ERICH6: variants seen among roughly 807,000 people sequenced by gnomAD.
ERICH6 encodes the protein glutamate-rich protein 6.
A neutral mutation model predicts 71.0 loss-of-function variants in ERICH6; 71 were observed. The observed-to-expected ratio is 1.00, with a 90% CI of 0.83 to 1.22. The LOEUF is 1.22. Ranked by LOEUF, ERICH6 falls within the 50% of genes most tolerant of loss-of-function variation. The probability of loss-of-function intolerance (pLI) is 0.00; values close to 1 mark genes in which losing one functional copy is unlikely to be tolerated. For synonymous variants in ERICH6, 262 were observed against 278.4 expected, an observed-to-expected ratio of 0.94 and a Z score of 0.59; for missense variants, 808 against 797.2, an observed-to-expected ratio of 1.01 and a Z score of -0.16.
chr3:150,702,582 C>T (rs1386508740), intron 1 of ERICH6, among the ~76,000 whole-genome samples: 1 of 152,130 alleles, frequency 6.6e-6, no homozygotes, highest in Non-Finnish European at 1.5e-5. Flanking sequence ...GGCCTGGAGA[C>T]ATTTTTGATC....
At chr3:150,684,649 G>A (rs1712103226) in intron 6 of ERICH6, among the ~76,000 whole-genome samples, 1 of 152,226 alleles carries the variant, frequency 6.6e-6, no homozygotes, top group Admixed American at 6.5e-5. Flanking sequence ...TCTAGCGGCA[G>A]TGTGGTGGTG....
In ERICH6 at chr3:150,660,102, A is replaced by C; in HGVS notation, c.1782T>G (p.Leu594=). ...PILRYVSGDD[L]LLLASLIKIR... Reference sequence around the variant, plus strand: ...TCTTTATTAAACTGGCCAGCAGAAGAAGGTCATCTCCACTTACGTATCGGA... The same window carrying C: ...TCTTTATTAAACTGGCCAGCAGAAGCAGGTCATCTCCACTTACGTATCGGA... The change falls in exon 14 of 14, where the codon CTT becomes CTG. Residue 594 remains leucine, a synonymous_variant. Coordinates refer to ENST00000295910, the MANE Select transcript of ERICH6 (RefSeq NM_152394.5). 1 of 1,614,050 alleles carries C rather than the reference A, an allele frequency of 6.2e-7. No individual in the cohort carries two copies. Among genetic ancestry groups the C allele is most frequent in the Non-Finnish European group, 8.5e-7 (1 of 1,180,012 alleles).
intron 6 of ERICH6, 130 bp downstream of exon 6, chr3:150,685,612 T>C: frequency 1.3e-6 from 1 of 769,890 alleles, no homozygotes; most frequent in African/African-American, 1.8e-5. Context: ...AGTGCTATTC[T>C]AAGTAATTGA....
At chr3:150,687,811 C>T (rs1373852951) in intron 3 of ERICH6, among the ~76,000 whole-genome samples, 2 of 152,182 alleles carry the variant, frequency 1.3e-5, no homozygotes, top group African/African-American at 4.8e-5. Context: ...CTGTTGGAGA[C>T]AGATAGGCTT....
At chr3:150,674,993 C>G (rs143754836) in intron 10 of ERICH6, among the ~76,000 whole-genome samples, 8 of 152,138 alleles carry the variant, frequency 5.3e-5, no homozygotes, top group African/African-American at 9.6e-5. Context: ...ATTAGTTGGG[C>G]GTGGTGGCAC....
Position 150,666,820 on chromosome 3 carries a change from T to C in ERICH6, c.1695A>G (p.Gln565=), listed in dbSNP as rs1727432573. 6.2e-7 allele frequency: 1 copy of C among 1,614,080 alleles called. No homozygotes were observed. Among genetic ancestry groups the C allele is most frequent in the East Asian group, 2.2e-5 (1 of 44,884 alleles). The change falls in exon 13 of 14, where the codon CAA becomes CAG. Residue 565 remains glutamine (Q), a synonymous_variant. Coordinates refer to ENST00000295910, the MANE Select transcript of ERICH6 (RefSeq NM_152394.5). ...TGGTTCCAACACTGATTCTTGCCTG[T>C]TGGCCCATTGCTAGAAAAGTTATAG... is the stretch of plus-strand genomic sequence containing the variant. ...KISITFLAMG[Q]QARISVGTKV...
rs185820577 is a variant in ERICH6, at chr3:150,685,896, A to G, written c.667-38T>C. The G allele has an allele frequency of 3.7e-4, 598 of 1,608,050 alleles. 2 individuals carry two copies. Among genetic ancestry groups the G allele is most frequent in the Non-Finnish European group, 4.1e-5 (48 of 1,174,962 alleles). ...AGAGAAAGGGGTGGTGAGGGGAAAT[A>G]ATTGAAGATTTGATAAGCCATTTTT... On this transcript the variant is annotated intron_variant, in intron 5 of 13. Transcript: ENST00000295910.
chr3:150,663,504 G>T (rs1446370273), intron 13 of ERICH6, among the ~76,000 whole-genome samples: 1 of 151,984 alleles, frequency 6.6e-6, no homozygotes, highest in Non-Finnish European at 1.5e-5. Flanking sequence ...GCCCAGGCTG[G>T]AGTGCAGCAG....
chr3:150,661,948 T>C (rs1222707574), intron 13 of ERICH6, among the ~76,000 whole-genome samples: 1 of 152,114 alleles, frequency 6.6e-6, no homozygotes, highest in Non-Finnish European at 1.5e-5. Flanking sequence ...TCCAACTATA[T>C]GTGGTTTGCC....
chr3:150,702,243 C>CG, intron 1 of ERICH6, 65 bp from the exon 2 acceptor site: 2 of 949,368 alleles, frequency 2.1e-6, no homozygotes, highest in South Asian at 3.2e-5. Context: ...TCTACCCCCC[C>CG]CAGGAACACA....
chr3:150,699,723 C>CAA (rs146953448), intron 2 of ERICH6, among the ~76,000 whole-genome samples: 5,577 of 136,678 alleles, frequency 0.041, 402 homozygotes, highest in East Asian at 0.36. Flanking sequence ...GAGATAAAAA[C>CAA]AAAAAAAAAA....
intron 11 of ERICH6, among the ~76,000 whole-genome samples, chr3:150,670,852 G>A (rs1056678147): frequency 6.6e-6 from 1 of 152,118 alleles, no homozygotes; most frequent in Non-Finnish European, 1.5e-5. Flanking sequence ...TAGAAGTCCA[G>A]AAATAAACAC....
At chr3:150,675,123 A>C (rs1466099638) in intron 10 of ERICH6, among the ~76,000 whole-genome samples, 1 of 152,152 alleles carries the variant, frequency 6.6e-6, no homozygotes, top group Non-Finnish European at 1.5e-5. Flanking sequence ...ACAGAGCAAG[A>C]CTGTCTCAAA....
chr3:150,682,448 G>A (rs1005260448), intron 6 of ERICH6, 132 bp from the exon 7 acceptor site: 34 of 640,450 alleles, frequency 5.3e-5, no homozygotes, highest in Admixed American at 8.5e-5. Context: ...GCCAGTAAGT[G>A]ATATCACTTC....
intron 10 of ERICH6, among the ~76,000 whole-genome samples, chr3:150,674,839 T>G (rs755034802): frequency 2.0e-5 from 3 of 151,914 alleles, no homozygotes; most frequent in Non-Finnish European, 4.4e-5. Flanking sequence ...AGTCAATTAT[T>G]GAAAGAGGTA....
intron 13 of ERICH6, 128 bp from the exon 14 acceptor site, chr3:150,660,283 T>A: frequency 9.7e-7 from 1 of 1,030,176 alleles, no homozygotes; most frequent in Non-Finnish European, 1.4e-6. Flanking sequence ...AATTCATCCG[T>A]AAGCAGGGGC....
chr3:150,674,458 C>T (rs567791465), intron 10 of ERICH6, among the ~76,000 whole-genome samples: 2 of 152,202 alleles, frequency 1.3e-5, no homozygotes, highest in African/African-American at 2.4e-5. Flanking sequence ...TATCCTGCCC[C>T]AATACTATAC....
intron 5 of ERICH6, 40 bp downstream of exon 5, chr3:150,685,926 T>C (rs1258282757): frequency 6.3e-7 from 1 of 1,597,192 alleles, no homozygotes; most frequent in Non-Finnish European, 8.6e-7. Context: ...ATTTTTACTA[T>C]GAGAACAGTG....
intron 6 of ERICH6, among the ~76,000 whole-genome samples, chr3:150,683,718 C>T (rs1429667071): frequency 6.6e-6 from 1 of 152,176 alleles, no homozygotes; most frequent in Admixed American, 6.5e-5. Context: ...CATGCCACTG[C>T]ACTCCAGCAC....
Sources: gnomAD v4.1 joint callset for allele counts (sites outside exome capture counted in the v4.1 genomes callset) on GRCh38, gnomAD v4.1.1 for gene constraint, MANE v1.5 for transcripts, NCBI Gene and HGNC (gene_info 2026-07-23, HGNC 2026-07-21) for gene names.